The following PRKG1 variants were observed in gnomAD, a reference collection of about 807,000 sequenced individuals.
The protein encoded by PRKG1 is cGMP-dependent protein kinase 1.
PRKG1 carries 35 observed loss-of-function variants against 88.1 expected under a neutral mutation model. That is an observed-to-expected ratio of 0.40 (90% CI 0.30 to 0.53). The LOEUF (loss-of-function observed/expected upper bound fraction) is 0.53, where lower values mean the gene tolerates loss of function less well. Ranked by LOEUF, PRKG1 falls within the 20% of genes least tolerant of loss-of-function variation. The pLI, the probability that PRKG1 is intolerant of heterozygous loss-of-function variation, is 0.59. For synonymous variants in PRKG1, 303 were observed against 292.5 expected (o/e 1.04, Z -0.37); for missense variants, 540 against 839.8 (o/e 0.64, Z 4.41).
chr10:52,246,269 T>C (rs1437609828), intron 9 of PRKG1, among the ~76,000 whole-genome samples: 1 of 152,158 alleles, frequency 6.6e-6, no homozygotes, highest in Non-Finnish European at 1.5e-5. Context: ...AGACTGGTAA[T>C]ATTGGAAGAA....
chr10:51,372,374 A>G (rs1842723107), intron 2 of PRKG1, among the ~76,000 whole-genome samples: 1 of 152,196 alleles, frequency 6.6e-6, no homozygotes, highest in African/African-American at 2.4e-5. Context: ...TCTTGTATCC[A>G]GAAACCTTGC....
chr10:51,637,333 G>T (rs569493617), intron 3 of PRKG1, among the ~76,000 whole-genome samples: 1 of 152,302 alleles, frequency 6.6e-6, no homozygotes, highest in African/African-American at 2.4e-5. Context: ...GTGTAAATTA[G>T]TTCAGCCATT....
chr10:51,530,802 G>A (rs1841999052), intron 3 of PRKG1, among the ~76,000 whole-genome samples: 2 of 152,074 alleles, frequency 1.3e-5, no homozygotes, highest in Non-Finnish European at 2.9e-5. Context: ...ATTTCCTTTT[G>A]TCTGATGGGA....
At chr10:51,973,096 C>T (rs941334510) in intron 5 of PRKG1, among the ~76,000 whole-genome samples, 1 of 152,178 alleles carries the variant, frequency 6.6e-6, no homozygotes, top group Non-Finnish European at 1.5e-5. Context: ...CCCTGCCAGT[C>T]TCTAGTGACA....
At chr10:51,669,280 G>T (rs1840497895) in intron 3 of PRKG1, among the ~76,000 whole-genome samples, 1 of 152,188 alleles carries the variant, frequency 6.6e-6, no homozygotes, top group South Asian at 2.1e-4. Flanking sequence ...ACTCTTACTG[G>T]CTTGCAAGCT....
At chr10:51,651,040 T>C (rs1373865460) in intron 3 of PRKG1, among the ~76,000 whole-genome samples, 2 of 152,220 alleles carry the variant, frequency 1.3e-5, no homozygotes, top group Non-Finnish European at 2.9e-5. Flanking sequence ...GAGATGTTAT[T>C]GAAGTCCAAT....
chr10:51,097,929 C>G (rs980927611), intron 1 of PRKG1, among the ~76,000 whole-genome samples: 1 of 122,746 alleles, frequency 8.1e-6, no homozygotes, highest in African/African-American at 2.9e-5. Context: ...TTCTGGATCT[C>G]CTCCACCCCC....
At chr10:51,041,854 T>A (rs773126170) in intron 1 of PRKG1, among the ~76,000 whole-genome samples, 19 of 152,286 alleles carry the variant, frequency 1.2e-4, no homozygotes, top group Non-Finnish European at 2.2e-4. Context: ...ATACCTCCAG[T>A]ATATACAATC....
chr10:51,262,343 A>G (rs2132161603), intron 2 of PRKG1, among the ~76,000 whole-genome samples: 1 of 152,330 alleles, frequency 6.6e-6, no homozygotes, highest in East Asian at 1.9e-4. Flanking sequence ...CCCGAGGATC[A>G]CCGATCATCA....
chr10:51,370,480 CAGAA>C (rs1036184493), intron 2 of PRKG1, among the ~76,000 whole-genome samples: 5 of 144,508 alleles, frequency 3.5e-5, no homozygotes, highest in Admixed American at 2.1e-4. Flanking sequence ...GAGAAAGAGA[CAGAA>C]AGAGAGAGAG....
Position 52,248,462 on chromosome 10 carries a change from A to G in PRKG1, c.1077-3108A>G, listed in dbSNP as rs566587784. 1.5e-3 allele frequency among the ~76,000 whole-genome samples: 223 copies of G among 152,344 alleles called. 1 individual carries two copies. Among genetic ancestry groups the G allele is most frequent in the African/African-American group, 5.2e-3 (215 of 41,590 alleles). On this transcript the variant is annotated intron_variant, in intron 9 of 17. Coordinates refer to ENST00000373980, the MANE Select transcript of PRKG1 (RefSeq NM_006258.4). ...AACAGAATGGAGGATCAAGAGGACG[A>G]CTATTCAAAGACCGCTTCAAAATGT... is the stretch of plus-strand genomic sequence containing the variant.
Position 51,915,187 on chromosome 10 carries a change from G to T in PRKG1, c.762+7617G>T, listed in dbSNP as rs80044542. ...TCCAACTGTGAGTAACAGAGAAAAA[G>T]TCCTGCCTTAGGCGGAGTTATTGGA... On this transcript the variant is annotated intron_variant, in intron 5 of 17. Transcript: ENST00000373980. 1.7e-3 allele frequency among the ~76,000 whole-genome samples: 253 copies of T among 152,314 alleles called. 7 individuals carry two copies. The East Asian group carries it at 0.046, about 28-fold the overall frequency.
At chr10:51,151,083 T>C (rs563714493) in intron 1 of PRKG1, among the ~76,000 whole-genome samples, 1 of 151,716 alleles carries the variant, frequency 6.6e-6, no homozygotes, top group South Asian at 2.1e-4. Context: ...TGATTAGTTT[T>C]TATTGTACAA....
chr10:51,597,670 A>G (rs1164805963), intron 3 of PRKG1, among the ~76,000 whole-genome samples: 3 of 152,206 alleles, frequency 2.0e-5, no homozygotes, highest in African/African-American at 7.2e-5. Context: ...CAACTCTCTC[A>G]GGGTCCTGTG....
At chr10:51,534,657 ACT>A (rs1271746307) in intron 3 of PRKG1, among the ~76,000 whole-genome samples, 3 of 97,130 alleles carry the variant, frequency 3.1e-5, no homozygotes, top group African/African-American at 7.3e-5. Context: ...ACAGAGCGAG[ACT>A]CTGTCTCAAA....
intron 2 of PRKG1, among the ~76,000 whole-genome samples, chr10:51,396,294 A>T (rs1043834445): frequency 1.1e-4 from 16 of 152,126 alleles, no homozygotes; most frequent in African/African-American, 3.6e-4. Context: ...GTAGCCACTC[A>T]GGAGACTGAG....
intron 9 of PRKG1, among the ~76,000 whole-genome samples, chr10:52,240,420 A>G (rs1428598693): frequency 6.6e-6 from 1 of 152,200 alleles, no homozygotes; most frequent in African/African-American, 2.4e-5. Flanking sequence ...GATATTCTGG[A>G]TGGGATCCCG....
intron 3 of PRKG1, among the ~76,000 whole-genome samples, chr10:51,627,970 C>CTTTCTTTCTTTCTT (rs531728027): frequency 1.2e-4 from 10 of 86,364 alleles, no homozygotes; most frequent in African/African-American, 2.5e-4. Flanking sequence ...TTCTTTCTTT[C>CTTTCTTTCTTTCTT]TCTTTCTTTC....
intron 7 of PRKG1, among the ~76,000 whole-genome samples, chr10:52,091,945 G>A (rs1044691191): frequency 2.0e-5 from 3 of 152,170 alleles, no homozygotes; most frequent in African/African-American, 4.8e-5. Flanking sequence ...TAAGGAAAGA[G>A]TTTGAGAAAG....
Sources: gnomAD v4.1 joint callset for allele counts (sites outside exome capture counted in the v4.1 genomes callset) on GRCh38, gnomAD v4.1.1 for gene constraint, MANE v1.5 for transcripts, NCBI Gene and HGNC (gene_info 2026-07-23, HGNC 2026-07-21) for gene names.